AHCYL2: variants seen among roughly 807,000 people sequenced by gnomAD.
The protein encoded by AHCYL2 is S-adenosylhomocysteine hydrolase-like protein 2.
Under a neutral mutation model 81.4 loss-of-function variants are expected in AHCYL2, and 28 were observed. The observed-to-expected ratio is 0.34, with a 90% CI of 0.25 to 0.47. The LOEUF (loss-of-function observed/expected upper bound fraction) is 0.47, where lower values mean the gene tolerates loss of function less well. AHCYL2 is among the 20% of genes least tolerant of loss of function. The pLI is 1.00. For missense variants in AHCYL2, 551 were observed against 785.1 expected (o/e 0.70, Z 3.56); for synonymous variants, 272 against 290.2 (o/e 0.94, Z 0.64).
intron 12 of AHCYL2, among the ~76,000 whole-genome samples, chr7:129,416,932 A>G (rs1453928627): frequency 2.0e-5 from 3 of 152,200 alleles, no homozygotes; most frequent in Non-Finnish European, 2.9e-5. Flanking sequence ...AGCCTAGGCA[A>G]CATAGTGAGA....
intron 1 of AHCYL2, among the ~76,000 whole-genome samples, chr7:129,267,568 G>C (rs1795860270): frequency 6.6e-6 from 1 of 152,084 alleles, no homozygotes; most frequent in African/African-American, 2.4e-5. Context: ...GCCTCCAAAG[G>C]TGCTGGGATT....
At chr7:129,384,110 A>C (rs768398669) in intron 2 of AHCYL2, among the ~76,000 whole-genome samples, 2 of 151,970 alleles carry the variant, frequency 1.3e-5, no homozygotes, top group African/African-American at 4.8e-5. Flanking sequence ...AATATATACA[A>C]TTTTTGTCAA....
intron 1 of AHCYL2, among the ~76,000 whole-genome samples, chr7:129,328,174 G>T (rs1020438713): frequency 3.3e-5 from 5 of 151,774 alleles, no homozygotes; most frequent in African/African-American, 1.2e-4. Context: ...TCCTGATTTG[G>T]CTTTGTTTGT....
At chr7:129,366,776 CAA>C (rs59464433) in intron 1 of AHCYL2, among the ~76,000 whole-genome samples, 3 of 138,360 alleles carry the variant, frequency 2.2e-5, no homozygotes, top group Non-Finnish European at 3.1e-5. Context: ...AACTCTGTCT[CAA>C]AAAAAAAAAA....
intron 1 of AHCYL2, among the ~76,000 whole-genome samples, chr7:129,370,469 CG>C (rs1332141878): frequency 1.3e-5 from 2 of 152,076 alleles, no homozygotes; most frequent in East Asian, 3.9e-4. Flanking sequence ...GAGGCCAGGG[CG>C]GGCAGATCAC....
At chr7:129,405,738 AC>A in intron 8 of AHCYL2, 97 bp from the exon 9 acceptor site, 1 of 1,180,142 alleles carries the variant, frequency 8.5e-7, no homozygotes, top group Non-Finnish European at 1.2e-6. Context: ...AAAATGAAAA[AC>A]CAACCAAAAA....
chr7:129,357,358 G>A (rs1213594142), intron 1 of AHCYL2, among the ~76,000 whole-genome samples: 1 of 152,228 alleles, frequency 6.6e-6, no homozygotes, highest in Non-Finnish European at 1.5e-5. Context: ...CTTAGAGGAT[G>A]CTAGGTGAAG....
chr7:129,425,896 A>G (rs544892391), intron 15 of AHCYL2, among the ~76,000 whole-genome samples: 1 of 152,382 alleles, frequency 6.6e-6, no homozygotes, highest in African/African-American at 2.4e-5. Context: ...GACCAAACAA[A>G]TACATAGGAA....
intron 1 of AHCYL2, among the ~76,000 whole-genome samples, chr7:129,267,231 GT>G (rs1563173075): frequency 9.1e-4 from 68 of 74,494 alleles, no homozygotes; most frequent in Middle Eastern, 6.0e-3. Context: ...CACTCAAGGG[GT>G]GTGTGTGTGT....
chr7:129,365,585 C>T (rs1192848062), intron 1 of AHCYL2, among the ~76,000 whole-genome samples: 1 of 144,046 alleles, frequency 6.9e-6, no homozygotes, highest in East Asian at 2.1e-4. Flanking sequence ...GTAGTCTTTA[C>T]ATTCAAGAAG....
intron 1 of AHCYL2, among the ~76,000 whole-genome samples, chr7:129,284,742 C>T (rs1287787385): frequency 6.6e-6 from 1 of 152,028 alleles, no homozygotes; most frequent in Admixed American, 6.5e-5. Flanking sequence ...TCTCTTTCTC[C>T]TCTATGTTCA....
At chr7:129,341,695 G>C (rs1210248963) in intron 1 of AHCYL2, among the ~76,000 whole-genome samples, 1 of 152,160 alleles carries the variant, frequency 6.6e-6, no homozygotes, top group Non-Finnish European at 1.5e-5. Flanking sequence ...CTGAGTATGT[G>C]TAAGTCATTG....
chr7:129,226,853 A>G (rs1023619826), intron 1 of AHCYL2, among the ~76,000 whole-genome samples: 1 of 152,266 alleles, frequency 6.6e-6, no homozygotes. Context: ...CAGCAGCACC[A>G]GTGCTGGGAG....
chr7:129,371,456 T>C (rs1214488154), intron 1 of AHCYL2, among the ~76,000 whole-genome samples: 1 of 152,194 alleles, frequency 6.6e-6, no homozygotes, highest in African/African-American at 2.4e-5. Flanking sequence ...TCTCAAGAAC[T>C]GACGAGGTAG....
At chr7:129,411,089 C>CT (rs986312416) in intron 11 of AHCYL2, among the ~76,000 whole-genome samples, 4 of 149,638 alleles carry the variant, frequency 2.7e-5, no homozygotes, top group Non-Finnish European at 4.5e-5. Flanking sequence ...TTTTTAATTG[C>CT]TTTTTTGTGA....
intron 1 of AHCYL2, among the ~76,000 whole-genome samples, chr7:129,251,132 A>G (rs1371700377): frequency 2.0e-5 from 3 of 152,164 alleles, no homozygotes; most frequent in South Asian, 2.1e-4. Context: ...TGTTTCATCT[A>G]TTCCCATAAG....
chr7:129,410,356 T>G (rs200926510), intron 11 of AHCYL2: 233 of 1,614,096 alleles, frequency 1.4e-4, no homozygotes, highest in Non-Finnish European at 2.1e-5. Flanking sequence ...GGCGTGTTGG[T>G]TTCCGTCTCA....
At position 129,321,743 on chromosome 7, in the gene AHCYL2, GTT is replaced by G; in HGVS notation, c.364-57875_364-57874del. On this transcript the variant is annotated intron_variant, in intron 1 of 16. Coordinates refer to ENST00000325006, the MANE Select transcript of AHCYL2 (RefSeq NM_015328.4). The stretch of plus-strand genomic sequence containing the variant: ...TGTATGGAATTTGTATTCTTTCTTT[GTT>G]TTTTTTTTTTTTTTTTTTTGGTCTT... 9.6e-3 allele frequency among the ~76,000 whole-genome samples: 745 copies of G among 77,630 alleles called. 21 individuals carry two copies. Among genetic ancestry groups the G allele is most frequent in the East Asian group, 0.049 (110 of 2,250 alleles). The allele number at this position is 77,630 out of a possible 152,430, so 50.9% of individuals were successfully genotyped here.
At chr7:129,359,096 A>G (rs539795045) in intron 1 of AHCYL2, among the ~76,000 whole-genome samples, 1 of 152,326 alleles carries the variant, frequency 6.6e-6, no homozygotes, top group South Asian at 2.1e-4. Context: ...CAAGCTGAAA[A>G]CAACCAAAAA....
Sources: gnomAD v4.1 joint callset for allele counts (sites outside exome capture counted in the v4.1 genomes callset) on GRCh38, gnomAD v4.1.1 for gene constraint, MANE v1.5 for transcripts, NCBI Gene and HGNC (gene_info 2026-07-23, HGNC 2026-07-21) for gene names.